Variants in TRAM2 observed in about 807,000 individuals in gnomAD.
The protein encoded by TRAM2 is translocating chain-associated membrane protein 2.
In TRAM2, 12 loss-of-function variants were observed where a neutral mutation model predicts 51.0. That is an observed-to-expected ratio of 0.24 (90% CI 0.15 to 0.38). The LOEUF is 0.38. Among genes scored for constraint, TRAM2 ranks in the 10% least tolerant of loss-of-function variants. The pLI, the probability that TRAM2 is intolerant of heterozygous loss-of-function variation, is 1.00. For missense variants in TRAM2, 361 were observed against 462.0 expected (o/e 0.78, Z 2.00); for synonymous variants, 175 against 179.4 (o/e 0.98, Z 0.20).
chr6:52,527,910 A>T (rs1283725162), intron 2 of TRAM2, among the ~76,000 whole-genome samples: 1 of 152,226 alleles, frequency 6.6e-6, no homozygotes, highest in African/African-American at 2.4e-5. Context: ...AGGGCTGGCC[A>T]TAAGACCTGG....
At position 52,498,418 on chromosome 6, in the gene TRAM2, G is replaced by A. The variant is rs1365011986; in HGVS notation, c.*4779C>T. ...AGCACTTGGAGACTGGGAAGTAAAA[G>A]TAAACACCTTTATCATATAAACTTT... On this transcript the variant is annotated 3_prime_UTR_variant, in exon 11 of 11. Transcript: ENST00000182527. The A allele has an allele frequency of 6.6e-6, 1 of 152,290 alleles. No homozygotes were observed. Among genetic ancestry groups the A allele is most frequent in the Non-Finnish European group, 1.5e-5 (1 of 68,046 alleles). 9.4% of individuals were successfully genotyped at this position (152,290 alleles called of 1,614,324 possible).
At chr6:52,530,626 T>C (rs1385128290) in intron 2 of TRAM2, among the ~76,000 whole-genome samples, 1 of 152,076 alleles carries the variant, frequency 6.6e-6, no homozygotes, top group African/African-American at 2.4e-5. Context: ...CAGGGAGAAG[T>C]CCGTGTGAAG....
intron 2 of TRAM2, among the ~76,000 whole-genome samples, chr6:52,527,094 A>T (rs1481435983): frequency 3.3e-5 from 5 of 152,144 alleles, no homozygotes; most frequent in African/African-American, 1.2e-4. Flanking sequence ...AAAAAAAATT[A>T]TCCAGCTGGG....
intron 1 of TRAM2, among the ~76,000 whole-genome samples, chr6:52,569,168 G>A (rs1051327315): frequency 1.3e-5 from 2 of 152,170 alleles, no homozygotes; most frequent in Non-Finnish European, 2.9e-5. Flanking sequence ...GCCAAGGCAG[G>A]CAGATCACCT....
intron 2 of TRAM2, 90 bp from the exon 3 acceptor site, chr6:52,516,827 G>A (rs751800061): frequency 3.4e-5 from 32 of 954,464 alleles, no homozygotes; most frequent in Middle Eastern, 4.7e-4. Flanking sequence ...GGCGAAATGC[G>A]CCATCAAATG....
At chr6:52,572,223 T>C (rs1287409563) in intron 1 of TRAM2, among the ~76,000 whole-genome samples, 1 of 152,150 alleles carries the variant, frequency 6.6e-6, no homozygotes, top group Admixed American at 6.5e-5. Flanking sequence ...ACACCATGGA[T>C]AGAGTAAGTA....
chr6:52,562,594 T>C (rs914499944), intron 1 of TRAM2, among the ~76,000 whole-genome samples: 11 of 152,000 alleles, frequency 7.2e-5, no homozygotes, highest in African/African-American at 1.9e-4. Flanking sequence ...AGTTCTAGGG[T>C]ACATGTGCAG....
At chr6:52,526,129 A>C (rs1766772745) in intron 2 of TRAM2, among the ~76,000 whole-genome samples, 1 of 147,528 alleles carries the variant, frequency 6.8e-6, no homozygotes, top group Admixed American at 6.9e-5. Context: ...TGTTATGGCC[A>C]TCCTAGGAAA....
At chr6:52,566,721 C>T (rs1002321095) in intron 1 of TRAM2, among the ~76,000 whole-genome samples, 2 of 152,224 alleles carry the variant, frequency 1.3e-5, no homozygotes, top group African/African-American at 4.8e-5. Flanking sequence ...ACCAGCTCAT[C>T]TGTCTACAAA....
chr6:52,507,496 CA>C, intron 7 of TRAM2, 56 bp downstream of exon 7: 3 of 1,552,918 alleles, frequency 1.9e-6, no homozygotes, highest in Non-Finnish European at 2.7e-6. Flanking sequence ...AGTGTGTGGA[CA>C]GATGCATGGA....
intron 1 of TRAM2, among the ~76,000 whole-genome samples, chr6:52,549,063 G>A (rs925185966): frequency 6.6e-6 from 1 of 152,192 alleles, no homozygotes; most frequent in Non-Finnish European, 1.5e-5. Flanking sequence ...AAGGACTGGA[G>A]AAGGCCTAGA....
chr6:52,536,994 C>T (rs1202992781), intron 1 of TRAM2, among the ~76,000 whole-genome samples: 1 of 152,206 alleles, frequency 6.6e-6, no homozygotes, highest in Admixed American at 6.5e-5. Flanking sequence ...AATGATACAT[C>T]ACAGATGCCC....
At chr6:52,567,389 G>A (rs535036602) in intron 1 of TRAM2, among the ~76,000 whole-genome samples, 4 of 152,306 alleles carry the variant, frequency 2.6e-5, no homozygotes, top group Admixed American at 2.0e-4. Context: ...ATGTTAGCTG[G>A]CTTGAATTTC....
At chr6:52,558,313 C>T (rs937357867) in intron 1 of TRAM2, among the ~76,000 whole-genome samples, 5 of 152,268 alleles carry the variant, frequency 3.3e-5, no homozygotes, top group East Asian at 1.9e-4. Context: ...AAGCCCCCCA[C>T]GTCCAGTCCC....
chr6:52,576,929 C>G lies in TRAM2; in HGVS notation c.-14G>C. 6.2e-7 allele frequency: 1 copy of G among 1,604,392 alleles called. No individual in the cohort carries two copies. Among genetic ancestry groups the G allele is most frequent in the South Asian group, 1.1e-5 (1 of 90,108 alleles). On this transcript the variant is annotated 5_prime_UTR_variant, in exon 1 of 11. Coordinates refer to ENST00000182527, the MANE Select transcript of TRAM2 (RefSeq NM_012288.4). ...GCGGAAAGCCATGGCAGCGGGCGCG[C>G]AGCGGCCGGCGGGGCCCGCACCCTG... is the stretch of plus-strand genomic sequence containing the variant.
intron 2 of TRAM2, among the ~76,000 whole-genome samples, chr6:52,534,993 C>G (rs531264824): frequency 1.3e-5 from 2 of 152,288 alleles, no homozygotes; most frequent in African/African-American, 4.8e-5. Context: ...AGTCAGTGAG[C>G]CTTAACAACA....
At chr6:52,556,336 A>G (rs1767405854) in intron 1 of TRAM2, among the ~76,000 whole-genome samples, 1 of 150,582 alleles carries the variant, frequency 6.6e-6, no homozygotes, top group Admixed American at 6.6e-5. Flanking sequence ...ACTGGAGTGC[A>G]GTGGCACAAT....
chr6:52,517,372 T>C (rs893901714), intron 2 of TRAM2: 1 of 152,406 alleles, frequency 6.6e-6, no homozygotes, highest in African/African-American at 2.4e-5. Context: ...GGCACATAGT[T>C]AAGTGCTATA....
At chr6:52,547,757 G>T (rs1454461721) in intron 1 of TRAM2, among the ~76,000 whole-genome samples, 1 of 152,216 alleles carries the variant, frequency 6.6e-6, no homozygotes, top group East Asian at 1.9e-4. Flanking sequence ...GGAGGGCCAC[G>T]GGAGGCCTCC....
Sources: gnomAD v4.1 joint callset for allele counts (sites outside exome capture counted in the v4.1 genomes callset) on GRCh38, gnomAD v4.1.1 for gene constraint, MANE v1.5 for transcripts, NCBI Gene and HGNC (gene_info 2026-07-23, HGNC 2026-07-21) for gene names.